GAS7: variants seen among roughly 807,000 people sequenced by gnomAD.
The protein encoded by GAS7 is growth arrest-specific protein 7.
A neutral mutation model predicts 71.1 loss-of-function variants in GAS7; 28 were observed. That is an observed-to-expected ratio of 0.39 (90% CI 0.29 to 0.54). The LOEUF is 0.54. GAS7 is among the 20% of genes least tolerant of loss of function. The pLI is 0.62. For missense variants in GAS7, 436 were observed against 627.8 expected (o/e 0.69, Z 3.27); for synonymous variants, 258 against 245.8 (o/e 1.05, Z -0.46).
At chr17:9,951,137 G>A (rs1057267756) in intron 5 of GAS7, among the ~76,000 whole-genome samples, 6 of 152,126 alleles carry the variant, frequency 3.9e-5, no homozygotes, top group African/African-American at 1.2e-4. Flanking sequence ...AACAAGGGAC[G>A]GGTTTCAAAA....
chr17:10,193,202 A>T (rs1367698321), intron 1 of GAS7, among the ~76,000 whole-genome samples: 1 of 143,372 alleles, frequency 7.0e-6, no homozygotes, highest in East Asian at 2.2e-4. Context: ...GGCAAATCTG[A>T]TTTCAAATTC....
chr17:10,123,673 G>A (rs2142078914), intron 1 of GAS7, among the ~76,000 whole-genome samples: 1 of 152,344 alleles, frequency 6.6e-6, no homozygotes. Flanking sequence ...CCAGCCACCA[G>A]CCCTCACCTA....
chr17:10,196,843 T>C (rs965506112), intron 1 of GAS7, among the ~76,000 whole-genome samples: 11 of 152,184 alleles, frequency 7.2e-5, no homozygotes, highest in African/African-American at 2.7e-4. Context: ...CGCTTTCTTT[T>C]ACATCCGAAT....
chr17:9,916,028 G>T lies in GAS7; in HGVS notation c.*1200C>A, dbSNP rs1307518210. 2 of 233,018 alleles carry T rather than the reference G, an allele frequency of 8.6e-6. No individual in the cohort carries two copies. The highest frequency in any genetic ancestry group is 1.2e-4 in the East Asian group (2 of 16,528). The allele number at this position is 233,018 out of a possible 1,614,324, so 14.4% of individuals were successfully genotyped here. ...TTGGTGCAGGGCTCTGGAATGTCCAGAAGGAGCGGGAAGCAAAGGTGGCGG... is the reference window on the plus strand; with the variant it reads ...TTGGTGCAGGGCTCTGGAATGTCCATAAGGAGCGGGAAGCAAAGGTGGCGG... On this transcript the variant is annotated 3_prime_UTR_variant, in exon 14 of 14. Transcript: ENST00000432992.
intron 2 of GAS7, among the ~76,000 whole-genome samples, chr17:9,991,750 G>C (rs190685514): frequency 1.2e-4 from 19 of 152,174 alleles, no homozygotes; most frequent in Non-Finnish European, 2.4e-4. Flanking sequence ...ACCCAAACTT[G>C]GGTTGAAGGG....
At chr17:10,099,991 A>G (rs2073682980) in intron 1 of GAS7, among the ~76,000 whole-genome samples, 1 of 152,186 alleles carries the variant, frequency 6.6e-6, no homozygotes, top group Non-Finnish European at 1.5e-5. Flanking sequence ...TTCCCTTAGC[A>G]CCTACATAGA....
At chr17:10,193,831 C>T (rs1410148718) in intron 1 of GAS7, among the ~76,000 whole-genome samples, 1 of 152,170 alleles carries the variant, frequency 6.6e-6, no homozygotes, top group African/African-American at 2.4e-5. Context: ...TGAGACAGAC[C>T]AGCAGAAGAA....
At chr17:10,174,282 TG>T (rs1351060776) in intron 1 of GAS7, among the ~76,000 whole-genome samples, 3 of 152,174 alleles carry the variant, frequency 2.0e-5, no homozygotes, top group Admixed American at 1.3e-4. Context: ...TAATCACATT[TG>T]GGGACTGAGT....
At chr17:10,117,336 G>A (rs1597801865) in intron 1 of GAS7, among the ~76,000 whole-genome samples, 3 of 152,122 alleles carry the variant, frequency 2.0e-5, no homozygotes, top group South Asian at 4.2e-4. Flanking sequence ...CCCCATCTCC[G>A]GTTCTCAACT....
intron 1 of GAS7, among the ~76,000 whole-genome samples, chr17:10,057,504 G>A (rs1004697398): frequency 6.6e-6 from 1 of 151,812 alleles, no homozygotes; most frequent in Non-Finnish European, 1.5e-5. Context: ...GAAGTGAGGA[G>A]CCCCTCCGCC....
At chr17:10,118,194 GAGTAAA>G (rs2073876930) in intron 1 of GAS7, among the ~76,000 whole-genome samples, 4 of 71,282 alleles carry the variant, frequency 5.6e-5, no homozygotes, top group African/African-American at 1.7e-4. Flanking sequence ...GATAGAGATG[GAGTAAA>G]CAGGGATATC....
intron 1 of GAS7, among the ~76,000 whole-genome samples, chr17:10,146,443 T>C (rs1267237034): frequency 6.6e-6 from 1 of 152,072 alleles, no homozygotes; most frequent in East Asian, 1.9e-4. Flanking sequence ...AGGGAGTGAA[T>C]CCTCCAGAGC....
intron 6 of GAS7, among the ~76,000 whole-genome samples, chr17:9,946,220 A>G (rs2068779867): frequency 6.6e-6 from 1 of 152,200 alleles, no homozygotes; most frequent in Non-Finnish European, 1.5e-5. Flanking sequence ...TCTGAGGTAC[A>G]GGACTCTGCA....
intron 1 of GAS7, among the ~76,000 whole-genome samples, chr17:10,062,797 G>A (rs982931892): frequency 7.9e-5 from 12 of 152,126 alleles, no homozygotes; most frequent in Non-Finnish European, 1.6e-4. Context: ...TCTCCCCCAG[G>A]AGTGCTGAGC....
At position 9,969,731 on chromosome 17, in the gene GAS7, C is replaced by A; in HGVS notation, c.417G>T (p.Ala139=). 6.2e-7 allele frequency: 1 copy of A among 1,612,082 alleles called. No individual in the cohort carries two copies. Among genetic ancestry groups the A allele is most frequent in the Non-Finnish European group, 8.5e-7 (1 of 1,178,136 alleles). The change falls in exon 4 of 14, where the codon GCG becomes GCT. Residue 139 remains alanine, a synonymous_variant. Coordinates refer to ENST00000432992, the MANE Select transcript of GAS7 (RefSeq NM_201433.2). This position sits in a 1 kb window ranked among gnomAD's most constrained non-coding sequence, Gnocchi z 5.5. ...TCATGTGGGCAGTCTCTGGAGGGTGCGCTGGGGTCCCTGATGCGTGGTATC... is the reference window on the plus strand; with the variant it reads ...TCATGTGGGCAGTCTCTGGAGGGTGAGCTGGGGTCCCTGATGCGTGGTATC... ...VNGYHASGTP[A]HPPETAHMSV...
rs962798348 is a variant in GAS7 at position 9,921,157 on chromosome 17, CTTTTTTTTTTT to C, written c.1139-1463_1139-1453del. 5.8e-5 allele frequency among the ~76,000 whole-genome samples: 8 copies of C among 137,422 alleles called. 1 individual carries two copies. The Admixed American group carries it at 6.0e-4, about 10-fold the overall frequency. The allele number at this position is 137,422 out of a possible 152,430, so 90.2% of individuals were successfully genotyped here. ...GCTGCACCGTAAAATGCATTTTTTT[CTTTTTTTTTTT>C]TTTTTTGAGACGGAGTCTGGCTCTG... On this transcript the variant is annotated intron_variant, in intron 11 of 13. Transcript: ENST00000432992.
intron 8 of GAS7, among the ~76,000 whole-genome samples, chr17:9,935,248 C>G (rs2068358134): frequency 6.6e-6 from 1 of 152,218 alleles, no homozygotes; most frequent in Non-Finnish European, 1.5e-5. Flanking sequence ...AGCCCTGATG[C>G]TGCCCACAGC....
chr17:10,152,087 A>C (rs909263038), intron 1 of GAS7, among the ~76,000 whole-genome samples: 1 of 152,148 alleles, frequency 6.6e-6, no homozygotes, highest in Non-Finnish European at 1.5e-5. Flanking sequence ...CAATGTCTAC[A>C]GGACATCTTC....
chr17:9,968,080 T>C (rs1229081317), intron 4 of GAS7, among the ~76,000 whole-genome samples: 1 of 152,238 alleles, frequency 6.6e-6, no homozygotes, highest in Non-Finnish European at 1.5e-5. Flanking sequence ...ATTTCTGTCA[T>C]CGTTGCTGAA....
Sources: gnomAD v4.1 joint callset for allele counts (sites outside exome capture counted in the v4.1 genomes callset) on GRCh38, gnomAD v4.1.1 for gene constraint, Gnocchi (gnomAD v3.1) non-coding constraint, MANE v1.5 for transcripts, NCBI Gene and HGNC (gene_info 2026-07-23, HGNC 2026-07-21) for gene names.